The following STRN3 variants were observed in gnomAD, a reference collection of about 807,000 sequenced individuals.
STRN3 encodes striatin 3.
Under a neutral mutation model 95.6 loss-of-function variants are expected in STRN3, and 29 were observed. The observed-to-expected ratio is 0.30, with a 90% CI of 0.23 to 0.41. The LOEUF (loss-of-function observed/expected upper bound fraction) is 0.41, where lower values mean the gene tolerates loss of function less well. Ranked by LOEUF, STRN3 falls within the 10% of genes least tolerant of loss-of-function variation. The pLI is 1.00. For synonymous variants in STRN3, 331 were observed against 357.6 expected, an observed-to-expected ratio of 0.93 and a Z score of 0.84; for missense variants, 890 against 972.1, an observed-to-expected ratio of 0.92 and a Z score of 1.12.
chr14:30,913,383 A>C, intron 10 of STRN3, 141 bp downstream of exon 10: 1 of 979,662 alleles, frequency 1.0e-6, no homozygotes, highest in Non-Finnish European at 1.4e-6. Flanking sequence ...TAAAAGAAAA[A>C]CATGTCACTT....
chr14:30,936,446 C>A lies in STRN3; in HGVS notation c.846+49G>T, dbSNP rs186039248. 5.8e-4 allele frequency: 903 copies of A among 1,558,834 alleles called. 8 individuals are homozygous for A. The highest frequency in any genetic ancestry group is 3.5e-4 in the South Asian group (29 of 82,694). On this transcript the variant is annotated intron_variant, in intron 6 of 17. Transcript: ENST00000357479. ...TTAAGATATCTTAAAAATTCCCATT[C>A]CAACTACATGAATATATAGCTAATA...
intron 1 of STRN3, among the ~76,000 whole-genome samples, chr14:30,995,645 T>G (rs1244076473): frequency 6.6e-6 from 1 of 151,946 alleles, no homozygotes. Flanking sequence ...TTAGGAAGAG[T>G]TGCCCATCTT....
At position 30,933,122 on chromosome 14, in the gene STRN3, A is replaced by T. The variant is rs146552771; in HGVS notation, c.988+2041T>A. ...AAACTCCGTCTCTACAAAAAAAAAA[A>T]ATGCAAAAATTAGCCAGGTGTGGTC... On this transcript the variant is annotated intron_variant, in intron 7 of 17. Transcript: ENST00000357479. 3.3e-3 allele frequency among the ~76,000 whole-genome samples: 499 copies of T among 151,986 alleles called. 2 individuals are homozygous for T. Among genetic ancestry groups the T allele is most frequent in the African/African-American group, 0.011 (474 of 41,456 alleles).
At chr14:31,022,572 G>A (rs1056901413) in intron 1 of STRN3, among the ~76,000 whole-genome samples, 1 of 151,348 alleles carries the variant, frequency 6.6e-6, no homozygotes, top group Non-Finnish European at 1.5e-5. Context: ...CATCACAGGC[G>A]CTCAATAAAA....
At chr14:31,017,799 G>C (rs937454719) in intron 1 of STRN3, among the ~76,000 whole-genome samples, 1 of 152,116 alleles carries the variant, frequency 6.6e-6, no homozygotes, top group Non-Finnish European at 1.5e-5. Flanking sequence ...TATTTAGGCT[G>C]CGCACGGTGG....
chr14:30,983,433 T>C (rs1263461465), intron 1 of STRN3, among the ~76,000 whole-genome samples: 4 of 152,114 alleles, frequency 2.6e-5, no homozygotes, highest in African/African-American at 9.7e-5. Flanking sequence ...TAATCCCAGC[T>C]ACTCCGGAGG....
intron 7 of STRN3, among the ~76,000 whole-genome samples, chr14:30,930,612 A>C (rs1487842226): frequency 6.6e-6 from 1 of 152,136 alleles, no homozygotes; most frequent in East Asian, 1.9e-4. Flanking sequence ...ATCACTTGAA[A>C]CTAGGTTACT....
chr14:31,023,349 A>T (rs559930024), intron 1 of STRN3, among the ~76,000 whole-genome samples: 1 of 152,324 alleles, frequency 6.6e-6, no homozygotes, highest in South Asian at 2.1e-4. Context: ...GAGACAGAAG[A>T]GCTTTAAGAT....
At chr14:31,013,903 T>TTATTA (rs1555327156) in intron 1 of STRN3, among the ~76,000 whole-genome samples, 1 of 112,454 alleles carries the variant, frequency 8.9e-6, no homozygotes, top group Non-Finnish European at 2.1e-5. Flanking sequence ...ATTATTATTA[T>TTATTA]TATTATTATT....
chr14:30,911,953 AC>A (rs1174853451), intron 11 of STRN3, 53 bp downstream of exon 11: 1 of 1,579,594 alleles, frequency 6.3e-7, no homozygotes, highest in African/African-American at 1.4e-5. Flanking sequence ...AGGAATAATT[AC>A]TTATATTAGC....
chr14:30,977,794 G>A (rs368949912), intron 1 of STRN3, among the ~76,000 whole-genome samples: 15 of 109,914 alleles, frequency 1.4e-4, no homozygotes, highest in South Asian at 4.0e-4. Context: ...ACTCTATCTC[G>A]AAAAAAAAAA....
chr14:30,912,381 G>A (rs947979144), intron 10 of STRN3, 199 bp from the exon 11 acceptor site: 2 of 435,242 alleles, frequency 4.6e-6, no homozygotes, highest in East Asian at 3.9e-5. Context: ...AATTTCATTC[G>A]CCTTACAAAT....
Position 30,965,550 on chromosome 14 carries a change from T to C in STRN3, c.283-9308A>G, listed in dbSNP as rs536889883. 1.1e-4 allele frequency among the ~76,000 whole-genome samples: 16 copies of C among 151,710 alleles called. No homozygotes were observed. In the South Asian group the frequency reaches 2.3e-3, roughly 22 times the overall value. On this transcript the variant is annotated intron_variant, in intron 1 of 17. Coordinates refer to ENST00000357479, the MANE Select transcript of STRN3 (RefSeq NM_001083893.2). The stretch of plus-strand genomic sequence containing the variant: ...AAAAACAAAAAGAGGCCAGGAGCGA[T>C]GGCTCACGCCTGTAATCCCAGCACT...
intron 8 of STRN3, 44 bp from the exon 9 acceptor site, chr14:30,919,150 G>A (rs533595608): frequency 9.8e-5 from 148 of 1,517,500 alleles, no homozygotes; most frequent in East Asian, 4.1e-4. Context: ...AATGGCTACC[G>A]CTTGACTTTC....
At chr14:30,979,076 G>T (rs1881259171) in intron 1 of STRN3, among the ~76,000 whole-genome samples, 1 of 145,288 alleles carries the variant, frequency 6.9e-6, no homozygotes, top group Non-Finnish European at 1.5e-5. Flanking sequence ...TTACAGCAAG[G>T]TTGCAGCAAA....
chr14:31,012,503 G>A (rs575694124), intron 1 of STRN3, among the ~76,000 whole-genome samples: 18 of 152,298 alleles, frequency 1.2e-4, no homozygotes, highest in South Asian at 4.1e-4. Context: ...AGCTACAAAC[G>A]TTTTATGAAA....
At chr14:31,014,633 T>C in intron 1 of STRN3, 1 of 442,614 alleles carries the variant, frequency 2.3e-6, no homozygotes, top group South Asian at 1.7e-5. Context: ...TTTTAAATCT[T>C]GTTCACTGAA....
At chr14:30,994,541 A>G (rs1882110624) in intron 1 of STRN3, among the ~76,000 whole-genome samples, 1 of 152,236 alleles carries the variant, frequency 6.6e-6, no homozygotes, top group African/African-American at 2.4e-5. Context: ...CAAATAAACT[A>G]AAAACATAAA....
Position 30,894,893 on chromosome 14 carries a change from CTT to C in STRN3, c.*516_*517del, listed in dbSNP as rs34255465. On this transcript the variant is annotated 3_prime_UTR_variant, in exon 18 of 18. Coordinates refer to ENST00000357479, the MANE Select transcript of STRN3 (RefSeq NM_001083893.2). The stretch of plus-strand genomic sequence containing the variant: ...ATATTTTAAGTTAAATTTTCTTTTT[CTT>C]TTTTTTTTTTTTTAAAGCAAAATAA... 3.6e-3 allele frequency: 2,644 copies of C among 736,464 alleles called. No homozygotes were observed. The highest frequency in any genetic ancestry group is 7.2e-3 in the East Asian group (79 of 10,912). 45.6% of individuals were successfully genotyped at this position (736,464 alleles called of 1,614,324 possible).
Sources: allele counts gnomAD v4.1 joint callset (sites outside exome capture counted in the v4.1 genomes callset), GRCh38; gene constraint gnomAD v4.1.1; transcripts MANE v1.5; gene names NCBI Gene and HGNC (gene_info 2026-07-23, HGNC 2026-07-21).